Variants in CHD6 observed in about 807,000 individuals in gnomAD.
CHD6 encodes ATP-dependent chromatin remodeler CHD6.
Under a neutral mutation model 276.9 loss-of-function variants are expected in CHD6, and 50 were observed. That is an observed-to-expected ratio of 0.18 (90% CI 0.14 to 0.23). The LOEUF (loss-of-function observed/expected upper bound fraction) is 0.23, where lower values mean the gene tolerates loss of function less well. Ranked by LOEUF, CHD6 falls within the 10% of genes least tolerant of loss-of-function variation. The pLI is 1.00. For missense variants in CHD6, 2,564 were observed against 3,365.8 expected (o/e 0.76, Z 5.89); for synonymous variants, 1,173 against 1,229.3 (o/e 0.95, Z 0.96).
intron 2 of CHD6, among the ~76,000 whole-genome samples, chr20:41,549,314 T>C (rs2045106179): frequency 6.6e-6 from 1 of 150,536 alleles, no homozygotes; most frequent in Admixed American, 6.6e-5. Context: ...TATGCAGCCA[T>C]AAAAAATGAT....
chr20:41,565,385 C>T (rs375096872), intron 1 of CHD6, among the ~76,000 whole-genome samples: 7 of 152,278 alleles, frequency 4.6e-5, no homozygotes, highest in African/African-American at 9.6e-5. Context: ...TGAGCCACCG[C>T]GCCCAGCTGG....
intron 29 of CHD6, 24 bp from the exon 30 acceptor site, chr20:41,423,724 G>A: frequency 6.3e-7 from 1 of 1,588,980 alleles, no homozygotes; most frequent in Non-Finnish European, 8.6e-7. Flanking sequence ...CAGAAAGGAA[G>A]AGTGAGCTCT....
At chr20:41,604,529 C>T (rs770163062) in intron 1 of CHD6, among the ~76,000 whole-genome samples, 5 of 152,198 alleles carry the variant, frequency 3.3e-5, no homozygotes, top group Non-Finnish European at 4.4e-5. Flanking sequence ...AAAATCATTT[C>T]CTAGTCTCAT....
chr20:41,519,139 C>T (rs2044323202), intron 3 of CHD6, among the ~76,000 whole-genome samples: 1 of 152,098 alleles, frequency 6.6e-6, no homozygotes, highest in Non-Finnish European at 1.5e-5. Context: ...AAAAATTAGC[C>T]GGGCATGGTG....
intron 2 of CHD6, among the ~76,000 whole-genome samples, chr20:41,540,577 C>T (rs1462841091): frequency 6.6e-6 from 1 of 152,176 alleles, no homozygotes; most frequent in African/African-American, 2.4e-5. Context: ...TGAGAGATTA[C>T]ATTTGACTGA....
At chr20:41,607,166 G>A (rs1294340545) in intron 1 of CHD6, among the ~76,000 whole-genome samples, 1 of 152,106 alleles carries the variant, frequency 6.6e-6, no homozygotes, top group African/African-American at 2.4e-5. Context: ...CATTTCTTAT[G>A]CATAAAAGGC....
chr20:41,420,240 T>C (rs530023023), intron 31 of CHD6, among the ~76,000 whole-genome samples: 12 of 152,328 alleles, frequency 7.9e-5, no homozygotes, highest in African/African-American at 1.9e-4. Context: ...ATAGCATCTA[T>C]TGAATGAAAA....
chr20:41,440,900 T>G (rs1382319003), intron 25 of CHD6, among the ~76,000 whole-genome samples: 1 of 152,248 alleles, frequency 6.6e-6, no homozygotes, highest in African/African-American at 2.4e-5. Context: ...GCCTGGCTCT[T>G]AGGAACAAAC....
rs554867845 is a variant in CHD6, at chr20:41,418,280, G to A, written c.6128-931C>T. On this transcript the variant is annotated intron_variant, in intron 31 of 36. Transcript: ENST00000373233. Reference sequence around the variant, plus strand: ...CAACTAAAATTATCAGCTGTGATAAGTACTATCAAGGGAAAGAAACAAGAC... The same window carrying A: ...CAACTAAAATTATCAGCTGTGATAAATACTATCAAGGGAAAGAAACAAGAC... Among the ~76,000 whole-genome samples the A allele has an allele frequency of 6.6e-5, 10 of 152,222 alleles. 1 individual carries two copies. Among genetic ancestry groups the A allele is most frequent in the African/African-American group, 2.4e-4 (10 of 41,528 alleles).
rs115004667 is a variant in CHD6, at chr20:41,509,187, C to T, written c.852+3659G>A. 6.4e-3 allele frequency among the ~76,000 whole-genome samples: 979 copies of T among 152,174 alleles called. 11 individuals are homozygous for T. The highest frequency in any genetic ancestry group is 0.024 in the Middle Eastern group (7 of 294). On this transcript the variant is annotated intron_variant, in intron 5 of 36. Coordinates refer to ENST00000373233, the MANE Select transcript of CHD6 (RefSeq NM_032221.5). ...CACAGGCTATGAATAAGTGGTGCAACGATCCCAGCTCAATCTAGACTTAGG... is the reference window on the plus strand; with the variant it reads ...CACAGGCTATGAATAAGTGGTGCAATGATCCCAGCTCAATCTAGACTTAGG...
At chr20:41,573,218 C>A (rs1446007386) in intron 1 of CHD6, among the ~76,000 whole-genome samples, 1 of 152,104 alleles carries the variant, frequency 6.6e-6, no homozygotes, top group Non-Finnish European at 1.5e-5. Flanking sequence ...CAAGACCATT[C>A]TACTACCACC....
chr20:41,431,137 C>T (rs1243829898), intron 27 of CHD6, among the ~76,000 whole-genome samples: 1 of 152,086 alleles, frequency 6.6e-6, no homozygotes, highest in African/African-American at 2.4e-5. Context: ...TGGCCCAGAA[C>T]ATGGATTTGA....
intron 5 of CHD6, among the ~76,000 whole-genome samples, chr20:41,501,790 A>C (rs1217750423): frequency 6.6e-6 from 1 of 152,190 alleles, no homozygotes; most frequent in Non-Finnish European, 1.5e-5. Context: ...CCTACCAGCA[A>C]GGTATGGGAG....
chr20:41,549,069 GT>G (rs1397083809), intron 2 of CHD6, among the ~76,000 whole-genome samples: 5 of 152,122 alleles, frequency 3.3e-5, no homozygotes, highest in African/African-American at 1.2e-4. Context: ...TTCAACCATT[GT>G]GGAAGTCAGT....
chr20:41,595,069 A>G (rs1237385812), intron 1 of CHD6, among the ~76,000 whole-genome samples: 2 of 152,162 alleles, frequency 1.3e-5, no homozygotes, highest in Non-Finnish European at 2.9e-5. Flanking sequence ...GTCTCTGATC[A>G]TCTCTTGTGA....
chr20:41,606,850 G>A (rs1601191676), intron 1 of CHD6, among the ~76,000 whole-genome samples: 1 of 152,106 alleles, frequency 6.6e-6, no homozygotes, highest in African/African-American at 2.4e-5. Context: ...TGATTTTACT[G>A]TTTGTAGCCT....
At chr20:41,577,235 T>C (rs780466668) in intron 1 of CHD6, among the ~76,000 whole-genome samples, 3 of 152,216 alleles carry the variant, frequency 2.0e-5, no homozygotes, top group Non-Finnish European at 4.4e-5. Context: ...TTTGGAGAAT[T>C]TGAAAAATTG....
chr20:41,436,789 A>T, intron 27 of CHD6, among the ~76,000 whole-genome samples: 1 of 152,226 alleles, frequency 6.6e-6, no homozygotes, highest in East Asian at 1.9e-4. Flanking sequence ...TTCCATTTAC[A>T]GAACATTCTT....
chr20:41,559,239 G>C (rs2045275358), intron 1 of CHD6, among the ~76,000 whole-genome samples: 3 of 151,922 alleles, frequency 2.0e-5, no homozygotes, highest in African/African-American at 7.3e-5. Flanking sequence ...TGAGCTCCTA[G>C]CAGGTGTGCA....
Sources: gnomAD v4.1 joint callset for allele counts (sites outside exome capture counted in the v4.1 genomes callset) on GRCh38, gnomAD v4.1.1 for gene constraint, MANE v1.5 for transcripts, NCBI Gene and HGNC (gene_info 2026-07-23, HGNC 2026-07-21) for gene names.